The following PFKM variants were observed in gnomAD, a reference collection of about 807,000 sequenced individuals.
PFKM encodes the protein phosphofructokinase, muscle.
Under a neutral mutation model 95.5 loss-of-function variants are expected in PFKM, and 58 were observed. That is an observed-to-expected ratio of 0.61 (90% CI 0.49 to 0.76). The LOEUF is 0.76. Among genes scored for constraint, PFKM ranks in the 30% least tolerant of loss-of-function variants. The probability of loss-of-function intolerance (pLI) is 0.00; values close to 1 mark genes in which losing one functional copy is unlikely to be tolerated. For missense variants in PFKM, 678 were observed against 1,005.4 expected (o/e 0.67, Z 4.40); for synonymous variants, 336 against 357.2 (o/e 0.94, Z 0.67).
chr12:48,131,463 A>G (rs1285247256), intron 4 of PFKM, 70 bp downstream of exon 4: 4 of 1,085,348 alleles, frequency 3.7e-6, no homozygotes, highest in Non-Finnish European at 5.7e-6. Flanking sequence ...TTTTGGGCTC[A>G]TGGTCTCCTA....
intron 10 of PFKM, among the ~76,000 whole-genome samples, chr12:48,135,828 T>TCTCA (rs1215993059): frequency 6.6e-6 from 1 of 152,070 alleles, no homozygotes; most frequent in Non-Finnish European, 1.5e-5. Flanking sequence ...CCACAGGATA[T>TCTCA]CTCATGTTGT....
chr12:48,106,329 C>G (rs1301282383), intron 1 of PFKM: 14 of 565,668 alleles, frequency 2.5e-5, no homozygotes, highest in Non-Finnish European at 4.4e-5. Flanking sequence ...AGCCCTTCGT[C>G]CTATGCTTTT....
In PFKM at chr12:48,132,872, G is replaced by T; in HGVS notation, c.242G>T (p.Gly81Val). The part of the protein sequence containing the change: ...ESVSMMLQLG[G>V]TVIGSARCKD... Reference sequence around the variant, plus strand: ...TGACTTCTACCTCTTCCAAAGGGAGGCACGGTGATTGGAAGTGCCCGGTGC... The same window carrying T: ...TGACTTCTACCTCTTCCAAAGGGAGTCACGGTGATTGGAAGTGCCCGGTGC... The change falls in exon 5 of 23, where the codon GGC (glycine) becomes GTC (valine). Residue 81 changes from glycine (G) to valine (V), a missense_variant. By Grantham distance (109) the Gly-to-Val change is moderately radical. Coordinates refer to ENST00000359794, the MANE Select transcript of PFKM (RefSeq NM_000289.6). 1.2e-6 allele frequency: 2 copies of T among 1,611,276 alleles called. No individual in the cohort carries two copies. The highest frequency in any genetic ancestry group is 1.7e-6 in the Non-Finnish European group (2 of 1,178,548).
intron 20 of PFKM, 67 bp from the exon 21 acceptor site, chr12:48,144,964 G>A (rs989108955): frequency 4.5e-6 from 5 of 1,118,834 alleles, no homozygotes; most frequent in Non-Finnish European, 6.8e-6. Flanking sequence ...TTTTCTCTGT[G>A]TGTCTAGATA....
At chr12:48,123,041 C>G (rs1565863036) in intron 2 of PFKM, among the ~76,000 whole-genome samples, 182 bp downstream of exon 2, 1 of 152,180 alleles carries the variant, frequency 6.6e-6, no homozygotes, top group Non-Finnish European at 1.5e-5. Context: ...TTTATTTACC[C>G]ACATCTTCAT....
chr12:48,122,667 G>A, intron 1 of PFKM, 100 bp from the exon 2 acceptor site: 1 of 1,574,078 alleles, frequency 6.4e-7, no homozygotes, highest in Admixed American at 1.9e-5. Flanking sequence ...TAGTGGGAGA[G>A]CCTGACTGAG....
intron 3 of PFKM, among the ~76,000 whole-genome samples, chr12:48,108,902 ACT>A (rs1285685578): frequency 6.6e-6 from 1 of 152,086 alleles, no homozygotes. Context: ...ATTTACCCCA[ACT>A]CTCTTATATT....
chr12:48,106,065 C>T (rs1305815331), exon 1 of PFKM: 1 of 702,502 alleles, frequency 1.4e-6, no homozygotes, highest in Non-Finnish European at 2.6e-6. Context: ...GGGTTTCCGG[C>T]CGGGCGCGGA....
Position 48,134,968 on chromosome 12 carries a change from A to G in PFKM, c.773A>G (p.Asn258Ser). 1.2e-6 allele frequency: 2 copies of G among 1,614,078 alleles called. No homozygotes were observed. Among genetic ancestry groups the G allele is most frequent in the Non-Finnish European group, 1.7e-6 (2 of 1,179,950 alleles). The change falls in exon 9 of 23, where the codon AAC (asparagine) becomes AGC (serine). Residue 258 changes from asparagine (N) to serine (S), a missense_variant. Coordinates refer to ENST00000359794, the MANE Select transcript of PFKM (RefSeq NM_000289.6). ...SETRTRGSRL[N>S]IIIVAEGAID... ...ACAAGGACCCGTGGTTCTCGTCTCA[A>G]CATCATCATTGTGGCTGAGGGTGCA... is the stretch of plus-strand genomic sequence containing the variant.
chr12:48,116,583 A>G (rs1454562943), upstream of PFKM, among the ~76,000 whole-genome samples: 1 of 152,128 alleles, frequency 6.6e-6, no homozygotes, highest in African/African-American at 2.4e-5. Context: ...GGCTCAAGTC[A>G]TTCTTGTGCC....
rs1468203859 is a variant in PFKM, at chr12:48,145,183, A to G, written c.2093-27A>G. 2 of 1,612,548 alleles carry G rather than the reference A, an allele frequency of 1.2e-6. No individual in the cohort carries two copies. Among genetic ancestry groups the G allele is most frequent in the Admixed American group, 3.3e-5 (2 of 59,982 alleles). On this transcript the variant is annotated intron_variant, in intron 21 of 22. Transcript: ENST00000359794. The surrounding 1 kb of genome is among the most constrained non-coding windows in gnomAD (Gnocchi z 4.3). Reference sequence around the variant, plus strand: ...TATAGAGGCTGGTTCCCCAGTATAGAAGCTGACTGCCCATCCCTCATTGCA... The same window carrying G: ...TATAGAGGCTGGTTCCCCAGTATAGGAGCTGACTGCCCATCCCTCATTGCA...
intron 20 of PFKM, among the ~76,000 whole-genome samples, chr12:48,144,691 T>C (rs1343082916): frequency 6.6e-6 from 1 of 152,252 alleles, no homozygotes; most frequent in South Asian, 2.1e-4. Context: ...TCATTGACAG[T>C]GATCAACAAA....
upstream of PFKM, among the ~76,000 whole-genome samples, chr12:48,116,008 G>A (rs1254134517): frequency 6.6e-6 from 1 of 152,134 alleles, no homozygotes; most frequent in African/African-American, 2.4e-5. Context: ...TTGAGGAACT[G>A]CCAAATTTCC....
rs1285517010 is a variant in PFKM, at chr12:48,145,396, A to C, written c.2198+81A>C. 1.5e-6 allele frequency: 2 copies of C among 1,351,208 alleles called. No individual in the cohort carries two copies. The highest frequency in any genetic ancestry group is 2.1e-6 in the Non-Finnish European group (2 of 949,950). 83.7% of individuals were successfully genotyped at this position (1,351,208 alleles called of 1,614,324 possible). On this transcript the variant is annotated intron_variant, in intron 22 of 22. Coordinates refer to ENST00000359794, the MANE Select transcript of PFKM (RefSeq NM_000289.6). The surrounding 1 kb of genome is among the most constrained non-coding windows in gnomAD (Gnocchi z 4.3). ...TGTCCTCAACCTGTTCACTGTCTTT[A>C]ATTCTTTTTTTTTTTTAAGGAGTAA... is the stretch of plus-strand genomic sequence containing the variant.
At chr12:48,132,821 C>T (rs1325009464) in intron 4 of PFKM, 47 bp from the exon 5 acceptor site, 1 of 1,494,372 alleles carries the variant, frequency 6.7e-7, no homozygotes, top group Non-Finnish European at 9.2e-7. Flanking sequence ...GATATCTCAG[C>T]ATGTTGAGCC....
At chr12:48,111,807 C>T (rs1295600928) in intron 3 of PFKM, among the ~76,000 whole-genome samples, 1 of 152,096 alleles carries the variant, frequency 6.6e-6, no homozygotes, top group African/African-American at 2.4e-5. Context: ...GGATGGAAGT[C>T]TGGGCCAGGA....
chr12:48,144,789 G>A (rs1413091010), intron 20 of PFKM, among the ~76,000 whole-genome samples: 2 of 152,198 alleles, frequency 1.3e-5, no homozygotes, highest in Non-Finnish European at 2.9e-5. Context: ...TAAAAGAGGG[G>A]ATTGTGGGGC....
At chr12:48,105,579 A>T, upstream of PFKM, 1 of 483,808 alleles carries the variant, frequency 2.1e-6, no homozygotes, top group Non-Finnish European at 4.1e-6. Context: ...GTAGTCAAGA[A>T]ATATCACTCG....
chr12:48,128,521 CA>C (rs1949088185), intron 2 of PFKM, among the ~76,000 whole-genome samples: 2 of 152,194 alleles, frequency 1.3e-5, no homozygotes, highest in South Asian at 4.1e-4. Flanking sequence ...GCTGTACCCC[CA>C]GTGCCTAGCA....
Sources: gnomAD v4.1 joint callset for allele counts (sites outside exome capture counted in the v4.1 genomes callset) on GRCh38, gnomAD v4.1.1 for gene constraint, Gnocchi (gnomAD v3.1) non-coding constraint, MANE v1.5 for transcripts, NCBI Gene and HGNC (gene_info 2026-07-23, HGNC 2026-07-21) for gene names.